The following COL8A1 variants were observed in gnomAD, a reference collection of about 807,000 sequenced individuals.
COL8A1 encodes the protein collagen type VIII alpha 1 chain.
COL8A1 carries 21 observed loss-of-function variants against 42.7 expected under a neutral mutation model. The ratio of observed to expected loss-of-function variants is 0.49; its 90% CI spans 0.35 to 0.71. The LOEUF (loss-of-function observed/expected upper bound fraction) is 0.71. COL8A1 is among the 30% of genes least tolerant of loss of function. The probability of loss-of-function intolerance (pLI) is 0.01; values close to 1 mark genes in which losing one functional copy is unlikely to be tolerated. For missense variants in COL8A1, 788 were observed against 962.4 expected, an observed-to-expected ratio of 0.82 and a Z score of 2.40; for synonymous variants, 367 against 369.1, an observed-to-expected ratio of 0.99 and a Z score of 0.06.
chr3:99,762,971 T>C (rs1292908480), intron 2 of COL8A1, among the ~76,000 whole-genome samples: 1 of 152,174 alleles, frequency 6.6e-6, no homozygotes, highest in Non-Finnish European at 1.5e-5. Flanking sequence ...CCTCTTTAAC[T>C]GCACGCTTTT....
Position 99,674,033 on chromosome 3 carries a change from A to G in COL8A1, c.-129+35369A>G, listed in dbSNP as rs558047552. Among the ~76,000 whole-genome samples, 12 of 152,188 alleles carry G rather than the reference A, an allele frequency of 7.9e-5. No homozygotes were observed. The East Asian group carries it at 1.5e-3, about 20-fold the overall frequency. ...ACAGACATCTCCATAACCTAGCCCA[A>G]TGATTTCATGAATTTTGGGAAATTT... On this transcript the variant is annotated intron_variant, in intron 1 of 3. Coordinates refer to ENST00000652472, the MANE Select transcript of COL8A1 (RefSeq NM_020351.4).
intron 1 of COL8A1, among the ~76,000 whole-genome samples, chr3:99,712,088 C>A (rs1203328853): frequency 6.6e-6 from 1 of 152,068 alleles, no homozygotes; most frequent in Non-Finnish European, 1.5e-5. Context: ...GCAATAAAGT[C>A]ATACTTTGAA....
At chr3:99,773,837 A>ATATTATATATATATATATATATATATT (rs1200212756) in intron 2 of COL8A1, among the ~76,000 whole-genome samples, 11 of 45,398 alleles carry the variant, frequency 2.4e-4, no homozygotes, top group East Asian at 7.4e-4. Flanking sequence ...ATATATATAT[A>ATATTATATATATATATATATATATATT]TTTTTTTTTT....
At chr3:99,677,064 AAGAGAG>A (rs140136211) in intron 1 of COL8A1, among the ~76,000 whole-genome samples, 10 of 149,374 alleles carry the variant, frequency 6.7e-5, no homozygotes, top group East Asian at 2.0e-4. Context: ...CAAAAAGAAA[AAGAGAG>A]AGAGAGAGAG....
chr3:99,765,282 A>G (rs563249903), intron 2 of COL8A1, among the ~76,000 whole-genome samples: 2 of 152,330 alleles, frequency 1.3e-5, no homozygotes, highest in East Asian at 3.9e-4. Flanking sequence ...TCTTAGCTCC[A>G]GTCTGGTAAA....
intron 1 of COL8A1, among the ~76,000 whole-genome samples, chr3:99,734,301 C>T (rs75909664): frequency 1.4e-5 from 2 of 138,526 alleles, no homozygotes; most frequent in East Asian, 2.0e-4. Context: ...TTTAAGTCTT[C>T]AATCCATCTT....
chr3:99,648,223 A>C (rs959013366), intron 1 of COL8A1, among the ~76,000 whole-genome samples: 1 of 152,176 alleles, frequency 6.6e-6, no homozygotes, highest in Non-Finnish European at 1.5e-5. Context: ...ACAGCTAGGA[A>C]GAGGCAGAGC....
intron 2 of COL8A1, among the ~76,000 whole-genome samples, chr3:99,749,915 A>T (rs1237670514): frequency 2.0e-5 from 3 of 152,028 alleles, no homozygotes; most frequent in Non-Finnish European, 4.4e-5. Flanking sequence ...AAACTTTTAT[A>T]CAATAATAGT....
At chr3:99,655,740 G>A (rs1262991603) in intron 1 of COL8A1, among the ~76,000 whole-genome samples, 1 of 152,172 alleles carries the variant, frequency 6.6e-6, no homozygotes, top group Admixed American at 6.5e-5. Context: ...GTTTATATTT[G>A]TAAGCAGTCA....
chr3:99,708,522 C>A (rs911129029), intron 1 of COL8A1, among the ~76,000 whole-genome samples: 8 of 150,608 alleles, frequency 5.3e-5, no homozygotes, highest in African/African-American at 1.9e-4. Context: ...AGGCTGGAGC[C>A]CACTTCCTCC....
chr3:99,680,108 TTACATTAGG>T (rs1169837037), intron 1 of COL8A1: 1 of 152,076 alleles, frequency 6.6e-6, no homozygotes, highest in Non-Finnish European at 1.5e-5. Flanking sequence ...AACTCATCAT[TTACATTAGG>T]TATATCTCCT....
intron 1 of COL8A1, 77 bp from the exon 2 acceptor site, chr3:99,744,820 C>T (rs1940987699): frequency 9.1e-6 from 1 of 110,376 alleles, no homozygotes; most frequent in South Asian, 3.1e-4. Context: ...TGCAAGTTCT[C>T]CTATGATCCA....
rs1046081694 is a variant in COL8A1 at position 99,654,743 on chromosome 3, G to A, written c.-129+16079G>A. ...GTGGAGGCTGCAGTGAGCTGTAATT[G>A]TGCCACTACACTCCAGCCTGGACAA... On this transcript the variant is annotated intron_variant, in intron 1 of 3. Transcript: ENST00000652472. Among the ~76,000 whole-genome samples, 22 of 151,720 alleles carry A rather than the reference G, an allele frequency of 1.5e-4. 2 individuals are homozygous for A. The highest frequency in any genetic ancestry group is 3.1e-4 in the Non-Finnish European group (21 of 67,966).
At position 99,725,695 on chromosome 3, in the gene COL8A1, G is replaced by A. The variant is rs142294073; in HGVS notation, c.-128-19202G>A. ...GTTTCTTTCCTTGCAATAGTTTGCTGAGAATGATGCTTTCCAGTTTCATCC... is the reference window on the plus strand; with the variant it reads ...GTTTCTTTCCTTGCAATAGTTTGCTAAGAATGATGCTTTCCAGTTTCATCC... On this transcript the variant is annotated intron_variant, in intron 1 of 3. Transcript: ENST00000652472. 2.4e-3 allele frequency among the ~76,000 whole-genome samples: 365 copies of A among 151,168 alleles called. 5 individuals carry two copies. The highest frequency in any genetic ancestry group is 8.5e-3 in the African/African-American group (348 of 41,156).
chr3:99,791,856 C>T (rs938431964), intron 3 of COL8A1, among the ~76,000 whole-genome samples: 1 of 152,186 alleles, frequency 6.6e-6, no homozygotes, highest in African/African-American at 2.4e-5. Context: ...GTCATTTGAC[C>T]TTTCAGAGCC....
At chr3:99,665,251 A>T (rs1938328426) in intron 1 of COL8A1, among the ~76,000 whole-genome samples, 1 of 152,264 alleles carries the variant, frequency 6.6e-6, no homozygotes, top group Admixed American at 6.5e-5. Flanking sequence ...TTTGAGAAAT[A>T]GAAAGTACTC....
chr3:99,705,731 CAGGGA>C (rs1356106057), intron 1 of COL8A1, among the ~76,000 whole-genome samples: 2 of 152,236 alleles, frequency 1.3e-5, no homozygotes, highest in South Asian at 4.1e-4. Context: ...TTATAAGAAG[CAGGGA>C]GACTTTGCTC....
chr3:99,679,490 G>A (rs1938801466), intron 1 of COL8A1: 1 of 152,308 alleles, frequency 6.6e-6, no homozygotes, highest in East Asian at 1.9e-4. Flanking sequence ...TCCAGTCATT[G>A]TTAGACAACT....
At chr3:99,762,988 T>C (rs1373821246) in intron 2 of COL8A1, among the ~76,000 whole-genome samples, 2 of 152,172 alleles carry the variant, frequency 1.3e-5, no homozygotes, top group Non-Finnish European at 2.9e-5. Context: ...TTTTCATTCA[T>C]ACCTTCTAGG....
Sources: gnomAD v4.1 joint callset for allele counts (sites outside exome capture counted in the v4.1 genomes callset) on GRCh38, gnomAD v4.1.1 for gene constraint, MANE v1.5 for transcripts, NCBI Gene and HGNC (gene_info 2026-07-23, HGNC 2026-07-21) for gene names.